RIPOR2: variants seen among roughly 807,000 people sequenced by gnomAD.
RIPOR2 encodes the protein RHO family interacting cell polarization regulator 2.
RIPOR2 carries 39 observed loss-of-function variants against 114.5 expected under a neutral mutation model. That is an observed-to-expected ratio of 0.34 (90% confidence interval 0.26 to 0.44). RIPOR2 has a LOEUF of 0.44. Among genes scored for constraint, RIPOR2 ranks in the 20% least tolerant of loss-of-function variants. RIPOR2 has a pLI of 1.00. For synonymous variants in RIPOR2, 445 were observed against 484.4 expected (o/e 0.92, Z 1.07); for missense variants, 1,007 against 1,255.1 (o/e 0.80, Z 2.99).
At chr6:24,891,457 A>C (rs2113971035) in intron 1 of RIPOR2, among the ~76,000 whole-genome samples, 1 of 152,284 alleles carries the variant, frequency 6.6e-6, no homozygotes, top group Admixed American at 6.5e-5. Context: ...AGAGTGTTTA[A>C]TAATTTCTTA....
intron 1 of RIPOR2, among the ~76,000 whole-genome samples, chr6:24,879,586 CA>C (rs1766156883): frequency 6.6e-6 from 1 of 152,168 alleles, no homozygotes; most frequent in African/African-American, 2.4e-5. Flanking sequence ...CGCACACACA[CA>C]AAGTCTGGCT....
chr6:24,954,496 C>T (rs1581868836), intron 1 of RIPOR2, among the ~76,000 whole-genome samples: 1 of 138,190 alleles, frequency 7.2e-6, no homozygotes, highest in South Asian at 2.3e-4. Flanking sequence ...CACTCTGTTG[C>T]CCAGCTTGGA....
rs374348917 is a variant in RIPOR2 at position 24,875,711 on chromosome 6, G to C, written c.168C>G (p.Gly56=). 1.9e-5 allele frequency: 31 copies of C among 1,613,418 alleles called. 1 individual carries two copies. The African/African-American group carries it at 2.1e-4, about 11-fold the overall frequency. The change falls in exon 2 of 22, where the codon GGC becomes GGG. Residue 56 remains glycine, a synonymous_variant. Coordinates refer to ENST00000643898, the MANE Select transcript of RIPOR2 (RefSeq NM_001286445.3). ...CTTGCCTGGATCGCCTTTCCTGGAG[G>C]CCGCTGAAACCCGCAAAGGACTGGC... ...IRSQSFAGFS[G]LQERRSRCNS... is the part of the protein sequence containing the mutation.
At chr6:24,939,366 T>C (rs1482321682), upstream of RIPOR2, among the ~76,000 whole-genome samples, 1 of 151,946 alleles carries the variant, frequency 6.6e-6, no homozygotes, top group African/African-American at 2.4e-5. Flanking sequence ...GAGTGGCAAA[T>C]TGTGGGAAGG....
chr6:24,967,909 CTTTT>C lies in RIPOR2; in HGVS notation c.76+73938_76+73941del, dbSNP rs35997558. 2.1e-3 allele frequency among the ~76,000 whole-genome samples: 261 copies of C among 123,500 alleles called. 1 individual carries two copies. Among genetic ancestry groups the C allele is most frequent in the Non-Finnish European group, 2.8e-3 (171 of 60,276 alleles). 81.0% of individuals were successfully genotyped at this position (123,500 alleles called of 152,430 possible). ...CCTGTCTTGGCTGCAAGATCTCAAT[CTTTT>C]TTTTTTTTTTTTTTTTTTAGATGGA... On this transcript the variant is annotated intron_variant, in intron 1 of 13. Coordinates refer to the RIPOR2 transcript ENST00000510784.
Position 24,852,636 on chromosome 6 carries a change from GA to G in RIPOR2, c.716-19del, listed in dbSNP as rs763283174. 1 of 1,581,278 alleles carries G rather than the reference GA, an allele frequency of 6.3e-7. No individual in the cohort carries two copies. ...AGCCAGACCTGTAACCAAGAAATTGGAAGGTGAGGTGTAGAACATATTTCCC... is the reference window on the plus strand; with the variant it reads ...AGCCAGACCTGTAACCAAGAAATTGGAGGTGAGGTGTAGAACATATTTCCC... On this transcript the variant is annotated intron_variant, in intron 8 of 21. Transcript: ENST00000643898.
In RIPOR2 at chr6:25,003,142, A is replaced by G. The variant is rs1301937856; in HGVS notation, c.76+38709T>C. Among the ~76,000 whole-genome samples the G allele has an allele frequency of 2.6e-5, 4 of 152,162 alleles. No homozygotes were observed. In the East Asian group the frequency reaches 7.7e-4, roughly 29 times the overall value. ...AGATTGTAGAGAGAAAAGATTGGTG[A>G]GTCACTTCTCGACCGTTCACATAGG... On this transcript the variant is annotated intron_variant, in intron 1 of 13. Transcript: ENST00000510784.
At chr6:25,016,696 C>T (rs1257626912) in intron 1 of RIPOR2, among the ~76,000 whole-genome samples, 1 of 152,228 alleles carries the variant, frequency 6.6e-6, no homozygotes, top group African/African-American at 2.4e-5. Flanking sequence ...ACTGATTCAT[C>T]ACTTCTTCCC....
At chr6:25,007,092 T>A (rs183344393) in intron 1 of RIPOR2, among the ~76,000 whole-genome samples, 88 of 152,294 alleles carry the variant, frequency 5.8e-4, no homozygotes, top group African/African-American at 2.1e-3. Context: ...TGCTCTGTTT[T>A]CTGTTTTGGC....
At chr6:24,877,708 G>T (rs1765935579) in intron 1 of RIPOR2, among the ~76,000 whole-genome samples, 3 of 152,122 alleles carry the variant, frequency 2.0e-5, no homozygotes, top group South Asian at 4.1e-4. Flanking sequence ...CTATATAAGG[G>T]TGCAACTTAT....
intron 1 of RIPOR2, among the ~76,000 whole-genome samples, chr6:25,020,364 C>A (rs1776259896): frequency 1.3e-5 from 2 of 152,190 alleles, no homozygotes; most frequent in South Asian, 2.1e-4. Flanking sequence ...CATGCAGGAG[C>A]CTTCCTGAGA....
chr6:24,877,091 T>A, intron 1 of RIPOR2: 2 of 985,288 alleles, frequency 2.0e-6, no homozygotes, highest in Non-Finnish European at 2.4e-6. Flanking sequence ...CAATTGCCCT[T>A]TAAAGACTCA....
At chr6:24,955,973 G>A (rs1296145895) in intron 1 of RIPOR2, among the ~76,000 whole-genome samples, 3 of 145,104 alleles carry the variant, frequency 2.1e-5, no homozygotes, top group African/African-American at 5.1e-5. Flanking sequence ...TGCAGCAACC[G>A]CACTCCAGCC....
At chr6:24,933,738 T>G (rs553362770) in intron 1 of RIPOR2, among the ~76,000 whole-genome samples, 1 of 152,290 alleles carries the variant, frequency 6.6e-6, no homozygotes, top group African/African-American at 2.4e-5. Flanking sequence ...AGTTAGCTTG[T>G]ATGGGTACCA....
chr6:24,986,397 CATT>C (rs1222660603), intron 1 of RIPOR2, among the ~76,000 whole-genome samples: 1 of 152,162 alleles, frequency 6.6e-6, no homozygotes, highest in African/African-American at 2.4e-5. Context: ...TAGGATTAGA[CATT>C]GTTGTTTTAG....
At position 24,866,521 on chromosome 6, in the gene RIPOR2, T is replaced by A. The variant is rs994411016; in HGVS notation, c.502-1071A>T. On this transcript the variant is annotated intron_variant, in intron 6 of 21. Coordinates refer to ENST00000643898, the MANE Select transcript of RIPOR2 (RefSeq NM_001286445.3). ...GCCAGTAGTGCTAGGGTTGAAAATT[T>A]TTTTTTTTTTTTTTTTGAGATGAGG... is the stretch of plus-strand genomic sequence containing the variant. 1.3e-3 allele frequency among the ~76,000 whole-genome samples: 25 copies of A among 19,654 alleles called. No homozygotes were observed. The South Asian group carries it at 0.039, about 31-fold the overall frequency. 12.9% of individuals were successfully genotyped at this position (19,654 alleles called of 152,430 possible).
intron 13 of RIPOR2, chr6:24,840,790 G>C (rs1162586473): frequency 9.1e-6 from 14 of 1,535,016 alleles, no homozygotes; most frequent in Non-Finnish European, 1.0e-5. Flanking sequence ...GAATGTGAAG[G>C]AGGGAGAAAA....
chr6:24,849,995 G>T, intron 10 of RIPOR2, 45 bp from the exon 11 acceptor site: 1 of 1,537,406 alleles, frequency 6.5e-7, no homozygotes, highest in South Asian at 1.2e-5. Flanking sequence ...TCACAGCAGA[G>T]GAGAAAGGTA....
chr6:24,929,993 T>C (rs1223252020), intron 1 of RIPOR2, among the ~76,000 whole-genome samples: 1 of 152,204 alleles, frequency 6.6e-6, no homozygotes, highest in East Asian at 1.9e-4. Context: ...GAGGATCCCT[T>C]GAGCCCAGGA....
Sources: allele counts gnomAD v4.1 joint callset (sites outside exome capture counted in the v4.1 genomes callset), GRCh38; gene constraint gnomAD v4.1.1; transcripts MANE v1.5; gene names NCBI Gene and HGNC (gene_info 2026-07-23, HGNC 2026-07-21).